DCC: variants seen among roughly 807,000 people sequenced by gnomAD.
DCC encodes DCC netrin 1 receptor.
A neutral mutation model predicts 172.5 loss-of-function variants in DCC; 58 were observed. The observed-to-expected ratio is 0.34, with a 90% CI of 0.27 to 0.42. The LOEUF (loss-of-function observed/expected upper bound fraction) is 0.42. Ranked by LOEUF, DCC falls within the 10% of genes least tolerant of loss-of-function variation. The pLI is 1.00. For missense variants in DCC, 1,740 were observed against 1,791.0 expected, an observed-to-expected ratio of 0.97 and a Z score of 0.51; for synonymous variants, 709 against 644.5, an observed-to-expected ratio of 1.10 and a Z score of -1.52.
chr18:53,500,082 C>A (rs532147549), intron 27 of DCC, among the ~76,000 whole-genome samples: 1 of 152,164 alleles, frequency 6.6e-6, no homozygotes, highest in African/African-American at 2.4e-5. Context: ...AGTAAAATAT[C>A]TATGGTCCTT....
intron 5 of DCC, among the ~76,000 whole-genome samples, chr18:52,977,910 A>G (rs2145598592): frequency 7.2e-6 from 1 of 139,168 alleles, no homozygotes; most frequent in South Asian, 2.6e-4. Context: ...AGAAAAAAGA[A>G]AAAGAAAAAA....
At chr18:52,829,190 T>G (rs2038566800) in intron 2 of DCC, among the ~76,000 whole-genome samples, 1 of 152,164 alleles carries the variant, frequency 6.6e-6, no homozygotes, top group Non-Finnish European at 1.5e-5. Context: ...AACATTACAT[T>G]TGAGCTAACT....
chr18:52,378,661 C>T (rs1985457190), intron 1 of DCC, among the ~76,000 whole-genome samples: 1 of 152,098 alleles, frequency 6.6e-6, no homozygotes. Flanking sequence ...ATCCCCTCAC[C>T]TCAGCCTCCC....
intron 15 of DCC, among the ~76,000 whole-genome samples, chr18:53,363,818 G>C (rs1237309081): frequency 6.6e-6 from 1 of 152,130 alleles, no homozygotes; most frequent in Non-Finnish European, 1.5e-5. Flanking sequence ...CTGAAAACAA[G>C]TTGCCTCCTT....
At chr18:52,988,192 T>C (rs1240707420) in intron 5 of DCC, among the ~76,000 whole-genome samples, 1 of 152,140 alleles carries the variant, frequency 6.6e-6, no homozygotes, top group Admixed American at 6.5e-5. Flanking sequence ...TTTTAGCAAA[T>C]TAGCTTGCCA....
At chr18:52,781,584 TATTA>T in intron 2 of DCC, among the ~76,000 whole-genome samples, 1 of 152,230 alleles carries the variant, frequency 6.6e-6, no homozygotes, top group Middle Eastern at 3.4e-3. Context: ...ATATATATAG[TATTA>T]ATATTTCATA....
At chr18:52,815,571 A>G (rs913889390) in intron 2 of DCC, among the ~76,000 whole-genome samples, 1 of 152,158 alleles carries the variant, frequency 6.6e-6, no homozygotes. Context: ...TTCAACTTGG[A>G]CTTCCAGAGC....
chr18:53,282,702 A>G (rs2056887494), intron 12 of DCC, among the ~76,000 whole-genome samples: 1 of 152,086 alleles, frequency 6.6e-6, no homozygotes, highest in Non-Finnish European at 1.5e-5. Context: ...AAAAAGATTC[A>G]TGTTTTTTCA....
intron 14 of DCC, among the ~76,000 whole-genome samples, chr18:53,326,031 A>G (rs1216425916): frequency 1.3e-5 from 2 of 152,172 alleles, no homozygotes; most frequent in Non-Finnish European, 2.9e-5. Context: ...CTATTAATTC[A>G]AAATGCATCC....
intron 2 of DCC, among the ~76,000 whole-genome samples, chr18:52,771,887 G>GA (rs2037350868): frequency 1.7e-5 from 2 of 115,198 alleles, no homozygotes; most frequent in Non-Finnish European, 3.8e-5. Flanking sequence ...AAAAAAAAAA[G>GA]AAAAAGAAAG....
At chr18:52,417,138 G>C (rs1318187678) in intron 1 of DCC, among the ~76,000 whole-genome samples, 9 of 152,018 alleles carry the variant, frequency 5.9e-5, no homozygotes, top group Non-Finnish European at 1.3e-4. Flanking sequence ...ATGAAGCTTA[G>C]TTTGGCTGGA....
At chr18:52,521,393 C>A (rs111841818) in intron 1 of DCC, among the ~76,000 whole-genome samples, 12 of 152,064 alleles carry the variant, frequency 7.9e-5, no homozygotes, top group African/African-American at 2.7e-4. Flanking sequence ...TTGCTTTAAA[C>A]GACAAAAATT....
chr18:52,844,320 G>GCAGACAGGCAGA (rs1555672360), intron 2 of DCC, among the ~76,000 whole-genome samples: 1 of 151,130 alleles, frequency 6.6e-6, no homozygotes, highest in Non-Finnish European at 1.5e-5. Context: ...ACATAGATAG[G>GCAGACAGGCAGA]CAGACAGACA....
chr18:53,321,658 C>A (rs751564741), intron 13 of DCC, among the ~76,000 whole-genome samples: 1 of 152,008 alleles, frequency 6.6e-6, no homozygotes, highest in Non-Finnish European at 1.5e-5. Flanking sequence ...AATCACAGAC[C>A]TTGAATGAAT....
At chr18:53,160,175 C>T (rs1385070596) in intron 8 of DCC, among the ~76,000 whole-genome samples, 1 of 152,144 alleles carries the variant, frequency 6.6e-6, no homozygotes, top group Non-Finnish European at 1.5e-5. Context: ...CAATCCTAAG[C>T]ATCAATCCTC....
In DCC at chr18:52,532,326, CTTAA is replaced by C. The variant is rs1448755613; in HGVS notation, c.91+191451_91+191454del. The stretch of plus-strand genomic sequence containing the variant: ...TATCTATTAAATCTCTCAAGAATTC[CTTAA>C]TTTTGTTTCTTTTTAATTTGTGCAA... On this transcript the variant is annotated intron_variant, in intron 1 of 28. Transcript: ENST00000442544. Among the ~76,000 whole-genome samples the C allele has an allele frequency of 2.0e-5, 3 of 152,250 alleles. No individual in the cohort carries two copies. The East Asian group carries it at 5.8e-4, about 29-fold the overall frequency.
intron 12 of DCC, among the ~76,000 whole-genome samples, chr18:53,259,435 G>C (rs865837584): frequency 1.8e-4 from 28 of 152,150 alleles, no homozygotes; most frequent in Admixed American, 3.3e-4. Flanking sequence ...GCATTTGCTT[G>C]TCTGTAAAGT....
chr18:52,606,804 G>A (rs1445741227), intron 1 of DCC, among the ~76,000 whole-genome samples: 2 of 152,092 alleles, frequency 1.3e-5, no homozygotes, highest in East Asian at 3.9e-4. Flanking sequence ...AGCAAATTAA[G>A]TAAGTATACT....
chr18:52,344,826 G>C (rs1479023628), intron 1 of DCC, among the ~76,000 whole-genome samples: 2 of 152,134 alleles, frequency 1.3e-5, no homozygotes, highest in Admixed American at 6.5e-5. Context: ...TATTTAAAGA[G>C]AATGCAGTTG....
Sources: gnomAD v4.1 joint callset for allele counts (sites outside exome capture counted in the v4.1 genomes callset) on GRCh38, gnomAD v4.1.1 for gene constraint, MANE v1.5 for transcripts, NCBI Gene and HGNC (gene_info 2026-07-23, HGNC 2026-07-21) for gene names.